Variants in STK33 observed in about 807,000 individuals in gnomAD.
STK33 encodes the protein serine/threonine kinase 33.
STK33 carries 52 observed loss-of-function variants against 58.0 expected under a neutral mutation model. That is an observed-to-expected ratio of 0.90 (90% CI 0.72 to 1.13). STK33 has a LOEUF of 1.13. Ranked by LOEUF, STK33 falls within the 50% of genes most tolerant of loss-of-function variation. STK33 has a pLI of 0.00. For missense variants in STK33, 630 were observed against 604.2 expected (o/e 1.04, Z -0.45); for synonymous variants, 215 against 200.1 (o/e 1.07, Z -0.63).
chr11:8,593,913 G>A (rs1001946716), intron 1 of STK33, 170 bp downstream of exon 1: 1 of 152,266 alleles, frequency 6.6e-6, no homozygotes, highest in Non-Finnish European at 1.5e-5. Context: ...GGGGTCCGCG[G>A]GCTCGGCCCG....
chr11:8,407,630 C>A (rs1939479388), intron 15 of STK33, among the ~76,000 whole-genome samples: 1 of 150,886 alleles, frequency 6.6e-6, no homozygotes, highest in African/African-American at 2.4e-5. Flanking sequence ...CATTAAGAGC[C>A]AGTAAGCCTG....
chr11:8,542,182 C>A (rs1012720809), intron 1 of STK33, among the ~76,000 whole-genome samples: 71 of 152,140 alleles, frequency 4.7e-4, no homozygotes, highest in African/African-American at 1.5e-3. Flanking sequence ...GTTACAGAAT[C>A]ACGATTAAAT....
intron 10 of STK33, among the ~76,000 whole-genome samples, chr11:8,454,507 T>G (rs1303901345): frequency 6.6e-6 from 1 of 152,214 alleles, no homozygotes; most frequent in Non-Finnish European, 1.5e-5. Flanking sequence ...TATTAACTAA[T>G]GATTTAGAAT....
At chr11:8,455,760 G>A (rs1946774969) in intron 9 of STK33, among the ~76,000 whole-genome samples, 1 of 133,662 alleles carries the variant, frequency 7.5e-6, no homozygotes, top group Non-Finnish European at 1.5e-5. Context: ...GCAGTGAGCC[G>A]AGATCGTGTC....
chr11:8,473,531 A>AT (rs1247168604), intron 5 of STK33, among the ~76,000 whole-genome samples: 4 of 152,210 alleles, frequency 2.6e-5, no homozygotes, highest in African/African-American at 9.6e-5. Flanking sequence ...AGCATAGCAG[A>AT]TTCATCAAAG....
chr11:8,489,271 A>AAT (rs200327023), intron 1 of STK33, among the ~76,000 whole-genome samples: 2 of 62,356 alleles, frequency 3.2e-5, no homozygotes, highest in Non-Finnish European at 6.7e-5. Flanking sequence ...AAAAAAAAAA[A>AAT]GAAAAAAAAA....
intron 1 of STK33, among the ~76,000 whole-genome samples, chr11:8,534,744 A>C (rs1470785658): frequency 6.6e-6 from 1 of 152,058 alleles, no homozygotes; most frequent in African/African-American, 2.4e-5. Context: ...AGTGGGCATT[A>C]TACTGTTTTG....
chr11:8,386,712 G>A, the STK33 span, among the ~76,000 whole-genome samples: 2 of 152,296 alleles, frequency 1.3e-5, no homozygotes, highest in African/African-American at 4.8e-5. Flanking sequence ...GGGACAAAAC[G>A]TCACTGCGCC....
At chr11:8,362,051 G>A in the STK33 span, among the ~76,000 whole-genome samples, 1 of 152,146 alleles carries the variant, frequency 6.6e-6, no homozygotes, top group Non-Finnish European at 1.5e-5. Flanking sequence ...TGGGGCCTAG[G>A]AGCTGGACTC....
downstream of STK33, among the ~76,000 whole-genome samples, chr11:8,388,101 A>T (rs1162764958): frequency 6.6e-6 from 1 of 152,150 alleles, no homozygotes; most frequent in Non-Finnish European, 1.5e-5. Flanking sequence ...CCAGGACAGG[A>T]CCTGATGCAT....
At chr11:8,520,546 G>T (rs551916487) in intron 1 of STK33, among the ~76,000 whole-genome samples, 43 of 152,292 alleles carry the variant, frequency 2.8e-4, no homozygotes, top group African/African-American at 9.6e-4. Flanking sequence ...AAAAGAGGAA[G>T]TCAAACTGTC....
rs1445901673 is a variant in STK33, at chr11:8,561,272, T to C, written c.-466+32811A>G. On this transcript the variant is annotated intron_variant, in intron 1 of 15. Transcript: ENST00000687296. Reference sequence around the variant, plus strand: ...TTGAGAATATTGGTTGTTATCTTTATGCATAAATAAGAGCTTGACCAGGTA... The same window carrying C: ...TTGAGAATATTGGTTGTTATCTTTACGCATAAATAAGAGCTTGACCAGGTA... Among the ~76,000 whole-genome samples the C allele has an allele frequency of 2.0e-5, 3 of 152,280 alleles. No homozygotes were observed. The East Asian group carries it at 5.8e-4, about 29-fold the overall frequency.
At position 8,415,639 on chromosome 11, in the gene STK33, C is replaced by T. The variant is rs6650173; in HGVS notation, c.1147-1947G>A. On this transcript the variant is annotated intron_variant, in intron 14 of 15. Coordinates refer to ENST00000687296, the MANE Select transcript of STK33 (RefSeq NM_001352389.2). Reference sequence around the variant, plus strand: ...GATTTGGGTGTCATTTGTCATCACCCAAGCATAATCTAGCTTACCTTGATA... The same window carrying T: ...GATTTGGGTGTCATTTGTCATCACCTAAGCATAATCTAGCTTACCTTGATA... Among the ~76,000 whole-genome samples, 918 of 152,132 alleles carry T rather than the reference C, an allele frequency of 6.0e-3. 16 individuals carry two copies. Among genetic ancestry groups the T allele is most frequent in the African/African-American group, 0.021 (879 of 41,518 alleles).
At chr11:8,436,743 G>T (rs1364193973) in intron 12 of STK33, among the ~76,000 whole-genome samples, 2 of 152,114 alleles carry the variant, frequency 1.3e-5, no homozygotes, top group Non-Finnish European at 2.9e-5. Context: ...TGTCTCCCAG[G>T]CTGGAATGCA....
intron 11 of STK33, among the ~76,000 whole-genome samples, chr11:8,448,855 A>G (rs996745732): frequency 6.6e-6 from 1 of 151,982 alleles, no homozygotes; most frequent in Non-Finnish European, 1.5e-5. Flanking sequence ...CAACCTACGG[A>G]ATGGGAGAAA....
the STK33 span, among the ~76,000 whole-genome samples, chr11:8,361,330 C>T: frequency 4.2e-3 from 640 of 152,296 alleles, 3 homozygotes; most frequent in Non-Finnish European, 6.2e-3. This position sits in a 1 kb window ranked among gnomAD's most constrained non-coding sequence, Gnocchi z 4.8. Context: ...GGCCCCCTGT[C>T]CTGCCTCCCT....
chr11:8,497,467 T>C (rs943024126), intron 1 of STK33, among the ~76,000 whole-genome samples: 1 of 152,028 alleles, frequency 6.6e-6, no homozygotes, highest in African/African-American at 2.4e-5. Context: ...ATGTTCAAAG[T>C]TCTTTCTTTT....
rs1017442327 is a variant in STK33 at position 8,440,716 on chromosome 11, C to A, written c.909G>T (p.Gln303His). Reference protein sequence around the residue: ...EVISAHDYSQQCDIWSIGVVM... With the variant: ...EVISAHDYSQHCDIWSIGVVM... The stretch of plus-strand genomic sequence containing the variant: ...CGACGCCTATGCTCCAAATGTCACA[C>A]TGCTGGCTATAGTCGTGGGCACTGA... Residue 303 changes from glutamine to histidine, a missense_variant, in exon 12 of 16, where the codon CAG becomes CAT. Physicochemically the swap from Gln to His is conservative, Grantham distance 24. Coordinates refer to ENST00000687296, the MANE Select transcript of STK33 (RefSeq NM_001352389.2). 4 of 1,571,654 alleles carry A rather than the reference C, an allele frequency of 2.5e-6. No individual in the cohort carries two copies. The highest frequency in any genetic ancestry group is 2.7e-5 in the African/African-American group (2 of 74,238).
At chr11:8,574,426 C>A (rs1202178396) in intron 1 of STK33, among the ~76,000 whole-genome samples, 3 of 151,952 alleles carry the variant, frequency 2.0e-5, no homozygotes, top group Admixed American at 6.6e-5. Flanking sequence ...ATCAGAATAG[C>A]CATAAATACT....
Sources: gnomAD v4.1 joint callset for allele counts (sites outside exome capture counted in the v4.1 genomes callset) on GRCh38, gnomAD v4.1.1 for gene constraint, Gnocchi (gnomAD v3.1) non-coding constraint, MANE v1.5 for transcripts, NCBI Gene and HGNC (gene_info 2026-07-23, HGNC 2026-07-21) for gene names.